Variants in ANK1 observed in about 807,000 individuals in gnomAD.
ANK1 encodes the protein ankyrin-1.
A neutral mutation model predicts 210.4 loss-of-function variants in ANK1; 51 were observed. That is an observed-to-expected ratio of 0.24 (90% CI 0.19 to 0.31). The LOEUF (loss-of-function observed/expected upper bound fraction) is 0.31, where lower values mean the gene tolerates loss of function less well. Among genes scored for constraint, ANK1 ranks in the 10% least tolerant of loss-of-function variants. The pLI is 1.00. For missense variants in ANK1, 2,051 were observed against 2,504.4 expected (o/e 0.82, Z 3.86); for synonymous variants, 967 against 1,025.9 (o/e 0.94, Z 1.10).
At chr8:41,690,150 T>C (rs777356076) in intron 33 of ANK1, 77 bp downstream of exon 33, 7 of 1,603,750 alleles carry the variant, frequency 4.4e-6, no homozygotes, top group African/African-American at 1.3e-5. Context: ...TTGGAAGTGC[T>C]GGACCTGGGG....
chr8:41,888,066 A>G (rs35538922), intron 1 of ANK1, among the ~76,000 whole-genome samples: 35,840 of 152,176 alleles, frequency 0.24, 4,467 homozygotes, highest in Non-Finnish European at 0.26. Context: ...GAGGGCACAG[A>G]CTTGAGCTGA....
At chr8:41,790,785 G>T (rs917113835) in intron 1 of ANK1, among the ~76,000 whole-genome samples, 2 of 152,208 alleles carry the variant, frequency 1.3e-5, no homozygotes, top group African/African-American at 2.4e-5. Flanking sequence ...GCTAATGGGG[G>T]TTGGGGGAGG....
At chr8:41,737,001 A>G (rs547144043) in intron 2 of ANK1, among the ~76,000 whole-genome samples, 50 of 152,256 alleles carry the variant, frequency 3.3e-4, no homozygotes, top group African/African-American at 1.2e-3. Flanking sequence ...TCCCCGCTAA[A>G]AACTACTGTG....
intron 39 of ANK1, among the ~76,000 whole-genome samples, chr8:41,667,981 C>T (rs978575967): frequency 6.6e-6 from 1 of 152,190 alleles, no homozygotes; most frequent in Non-Finnish European, 1.5e-5. Flanking sequence ...TTGGAGTCAG[C>T]GAGACCCAGC....
At chr8:41,856,066 T>C (rs1042961783) in intron 1 of ANK1, among the ~76,000 whole-genome samples, 2 of 152,212 alleles carry the variant, frequency 1.3e-5, no homozygotes, top group Non-Finnish European at 2.9e-5. Context: ...AAATTCTCTT[T>C]GGGAGAAATC....
intron 1 of ANK1, among the ~76,000 whole-genome samples, chr8:41,853,561 C>A (rs1295156005): frequency 6.6e-6 from 1 of 151,952 alleles, no homozygotes; most frequent in Non-Finnish European, 1.5e-5. Flanking sequence ...TTTTAAAAAT[C>A]AAATTTATTT....
chr8:41,894,726 C>T lies in ANK1; in HGVS notation c.126+1629G>A, dbSNP rs536937066. Among the ~76,000 whole-genome samples the T allele has an allele frequency of 5.3e-5, 8 of 152,186 alleles. No individual in the cohort carries two copies. The East Asian group carries it at 1.2e-3, about 22-fold the overall frequency. The stretch of plus-strand genomic sequence containing the variant: ...AATGGAAACACAGAGCACTCCTTCC[C>T]GAGAAGAAGTTCACATTCACGCCAA... On this transcript the variant is annotated intron_variant, in intron 1 of 42. Coordinates refer to the ANK1 transcript ENST00000265709.
At chr8:41,730,328 G>T (rs920199173) in intron 3 of ANK1, among the ~76,000 whole-genome samples, 4 of 152,186 alleles carry the variant, frequency 2.6e-5, no homozygotes, top group Non-Finnish European at 4.4e-5. Flanking sequence ...CCTGGGGCTG[G>T]GTGCAGCAGC....
chr8:41,840,652 G>A (rs1412206954), intron 1 of ANK1, among the ~76,000 whole-genome samples: 1 of 152,200 alleles, frequency 6.6e-6, no homozygotes, highest in African/African-American at 2.4e-5. Context: ...CGTCTTCTAA[G>A]AAGTCCCATC....
intron 1 of ANK1, among the ~76,000 whole-genome samples, chr8:41,811,033 C>G (rs1802408574): frequency 1.3e-5 from 2 of 152,194 alleles, no homozygotes; most frequent in Admixed American, 6.5e-5. Context: ...TTAGGTTTCA[C>G]AGTAGTGATG....
intron 31 of ANK1, among the ~76,000 whole-genome samples, chr8:41,692,303 C>T (rs1819494202): frequency 6.6e-6 from 1 of 152,170 alleles, no homozygotes; most frequent in South Asian, 2.1e-4. Context: ...GTGATCTGCC[C>T]GCCTTGGCCT....
intron 39 of ANK1, among the ~76,000 whole-genome samples, chr8:41,664,606 TG>T (rs1392467845): frequency 6.6e-6 from 1 of 151,866 alleles, no homozygotes; most frequent in Non-Finnish European, 1.5e-5. Context: ...CACAATGCAC[TG>T]GGCACCAGAG....
intron 26 of ANK1, 113 bp from the exon 27 acceptor site, chr8:41,695,444 C>T (rs554535452): frequency 4.5e-5 from 65 of 1,444,926 alleles, no homozygotes; most frequent in African/African-American, 3.4e-4. Flanking sequence ...TCCGCAGCCA[C>T]GTGGAGGCCC....
At chr8:41,716,434 G>A (rs1441111837) in intron 13 of ANK1, among the ~76,000 whole-genome samples, 5 of 151,956 alleles carry the variant, frequency 3.3e-5, no homozygotes, top group Non-Finnish European at 7.4e-5. Context: ...GGCTTCCCTC[G>A]AGGGCCCCAA....
At position 41,672,726 on chromosome 8, in the gene ANK1, G is replaced by T. The variant is rs753359752; in HGVS notation, c.4724C>A (p.Pro1575His). The T allele has an allele frequency of 9.3e-6, 15 of 1,608,598 alleles. No individual in the cohort carries two copies. Among genetic ancestry groups the T allele is most frequent in the Non-Finnish European group, 1.3e-5 (15 of 1,175,978 alleles). ...GGAGTCCTCAGCAGTGACCAGAGAA[G>T]GCGTGAGGCCCGCAGACCACACCTG... ...DMQVWSAGLT[P>H]SLVTAEDSSL... is the part of the protein sequence containing the mutation. Residue 1575 changes from proline (P) to histidine (H), a missense_variant, in exon 38 of 43, where the codon CCT (proline) becomes CAT (histidine). Pro to His is a moderately conservative substitution (Grantham distance 77). Around this residue, in one of 6 missense-constraint regions of ANK1, gnomAD observed 496 missense variants for 533.4 expected, o/e 0.93. Coordinates refer to ENST00000289734, the MANE Select transcript of ANK1 (RefSeq NM_000037.4).
intron 1 of ANK1, among the ~76,000 whole-genome samples, chr8:41,822,081 AG>A (rs1804392599): frequency 1.0e-4 from 4 of 39,688 alleles, no homozygotes; most frequent in African/African-American, 6.0e-4. Context: ...AGAGAGAGAG[AG>A]AGAGAGAGAG....
chr8:41,673,635 C>T (rs1447849296), intron 37 of ANK1, among the ~76,000 whole-genome samples: 1 of 152,166 alleles, frequency 6.6e-6, no homozygotes, highest in African/African-American at 2.4e-5. Flanking sequence ...ACCAGGTCTG[C>T]CCGCCCCAAA....
At chr8:41,740,371 G>A (rs1384032968) in intron 2 of ANK1, among the ~76,000 whole-genome samples, 1 of 151,744 alleles carries the variant, frequency 6.6e-6, no homozygotes, top group Admixed American at 6.6e-5. Context: ...TGTTGGCCAG[G>A]CTGGTCTCGA....
At chr8:41,702,176 C>G (rs1823023111) in intron 20 of ANK1, 32 bp from the exon 21 acceptor site, 2 of 1,584,174 alleles carry the variant, frequency 1.3e-6, no homozygotes. Flanking sequence ...TGCAGTCAGA[C>G]AGGGGATGGA....
Sources: allele counts gnomAD v4.1 joint callset (sites outside exome capture counted in the v4.1 genomes callset), GRCh38; gene constraint gnomAD v4.1.1; regional missense constraint gnomAD v4.1.1; transcripts MANE v1.5; gene names NCBI Gene and HGNC (gene_info 2026-07-23, HGNC 2026-07-21).